RGS4: variants seen among roughly 807,000 people sequenced by gnomAD.
RGS4 encodes the protein schizophrenia disorder 9.
In RGS4, 15 loss-of-function variants were observed where a neutral mutation model predicts 21.6. The ratio of observed to expected loss-of-function variants is 0.69; its 90% CI spans 0.46 to 1.07. The LOEUF is 1.07. Among genes scored for constraint, RGS4 ranks in the 50% least tolerant of loss-of-function variants. The pLI, the probability that RGS4 is intolerant of heterozygous loss-of-function variation, is 0.00. For synonymous variants in RGS4, 94 were observed against 85.5 expected, an observed-to-expected ratio of 1.10 and a Z score of -0.55; for missense variants, 237 against 239.0, an observed-to-expected ratio of 0.99 and a Z score of 0.06.
intron 1 of RGS4, chr1:163,070,408 T>C (rs1457276869): frequency 6.6e-6 from 1 of 152,188 alleles, no homozygotes. Flanking sequence ...TACTACCTGC[T>C]TTCTTATCGC....
rs776573351 is a variant in RGS4 at position 163,075,173 on chromosome 1, G to C, written c.*613G>C. 1 of 161,928 alleles carries C rather than the reference G, an allele frequency of 6.2e-6. No homozygotes were observed. Among genetic ancestry groups the C allele is most frequent in the Non-Finnish European group, 1.4e-5 (1 of 73,524 alleles). The allele number at this position is 161,928 out of a possible 1,614,324, so 10.0% of individuals were successfully genotyped here. A position where few individuals can be genotyped will look rare whatever the true frequency, so the allele number is the denominator to read the frequency against. On this transcript the variant is annotated 3_prime_UTR_variant, in exon 5 of 5. Coordinates refer to ENST00000367909, the MANE Select transcript of RGS4 (RefSeq NM_005613.6). Reference sequence around the variant, plus strand: ...GAAAGACCCTAGGTGCTCATAACTAGAGTATGTGTATGTACTTACATGGGT... The same window carrying C: ...GAAAGACCCTAGGTGCTCATAACTACAGTATGTGTATGTACTTACATGGGT...
upstream of RGS4, chr1:163,069,268 G>C (rs1553204967): frequency 3.9e-6 from 6 of 1,550,906 alleles, no homozygotes; most frequent in Non-Finnish European, 5.2e-6. Context: ...GAGAGGCAGA[G>C]GGAGACAGAG....
chr1:163,074,612 A>G lies in RGS4; in HGVS notation c.*52A>G. ...ATGCCAAGACTCTATGCTCTGGAAA[A>G]CCTGAGGCCAAATATTGATCTGTAT... On this transcript the variant is annotated 3_prime_UTR_variant, in exon 5 of 5. Coordinates refer to ENST00000367909, the MANE Select transcript of RGS4 (RefSeq NM_005613.6). The G allele has an allele frequency of 3.1e-6, 5 of 1,613,048 alleles. No homozygotes were observed. Among genetic ancestry groups the G allele is most frequent in the Non-Finnish European group, 4.2e-6 (5 of 1,179,398 alleles).
At chr1:163,073,861 T>G in intron 4 of RGS4, 1 of 425,642 alleles carries the variant, frequency 2.3e-6, no homozygotes, top group Non-Finnish European at 4.1e-6. Flanking sequence ...CTAGAACCTA[T>G]TCCCTCTACC....
At chr1:163,072,599 T>C in intron 2 of RGS4, 100 bp downstream of exon 2, 1 of 970,158 alleles carries the variant, frequency 1.0e-6, no homozygotes, top group Non-Finnish European at 1.6e-6. Flanking sequence ...AAGCCAGATT[T>C]GGATCAAGAT....
In RGS4 at chr1:163,073,538, C is replaced by T; in HGVS notation, c.294C>T (p.Tyr98=). The change falls in exon 4 of 5, where the codon TAC becomes TAT. Residue 98 remains tyrosine, a synonymous_variant. Transcript: ENST00000367909. Reference sequence around the variant, plus strand: ...ACTTCTGGATCAGCTGTGAAGAGTACAAGAAAATCAAATCACCATCTAAAC... The same window carrying T: ...ACTTCTGGATCAGCTGTGAAGAGTATAAGAAAATCAAATCACCATCTAAAC... ...NIDFWISCEE[Y]KKIKSPSKLS... 6.2e-7 allele frequency: 1 copy of T among 1,611,666 alleles called. No individual in the cohort carries two copies. The highest frequency in any genetic ancestry group is 8.5e-7 in the Non-Finnish European group (1 of 1,178,896).
chr1:163,069,090 G>C, upstream of RGS4: 1 of 1,526,466 alleles, frequency 6.6e-7, no homozygotes, highest in South Asian at 1.3e-5. Flanking sequence ...ATATTTTGCA[G>C]CATTGTACAC....
intron 3 of RGS4, 114 bp from the exon 4 acceptor site, chr1:163,073,342 G>A: frequency 4.8e-6 from 4 of 839,192 alleles, no homozygotes; most frequent in Non-Finnish European, 7.2e-6. Context: ...AGGGGAAAAA[G>A]GGATTGCTTG....
At chr1:163,069,948 C>T (rs776149320) in intron 1 of RGS4, among the ~76,000 whole-genome samples, 1 of 152,016 alleles carries the variant, frequency 6.6e-6, no homozygotes, top group Non-Finnish European at 1.5e-5. Context: ...GGAAAGGTAC[C>T]CCAGAATGAG....
Position 163,071,924 on chromosome 1 carries a change from A to G in RGS4, c.45-471A>G, listed in dbSNP as rs566772078. 4 of 958,944 alleles carry G rather than the reference A, an allele frequency of 4.2e-6. No individual in the cohort carries two copies. The African/African-American group carries it at 6.1e-5, about 15-fold the overall frequency. The allele number at this position is 958,944 out of a possible 1,614,324, so 59.4% of individuals were successfully genotyped here. A position where few individuals can be genotyped will look rare whatever the true frequency, so the allele number is the denominator to read the frequency against. On this transcript the variant is annotated intron_variant, in intron 1 of 4. Coordinates refer to ENST00000367909, the MANE Select transcript of RGS4 (RefSeq NM_005613.6). ...ACTTTTACTTTCCCGAGGTGCTTCTACAGTTCCCTCTGCCAGCAGGGGAAC... is the reference window on the plus strand; with the variant it reads ...ACTTTTACTTTCCCGAGGTGCTTCTGCAGTTCCCTCTGCCAGCAGGGGAAC...
At position 163,074,805 on chromosome 1, in the gene RGS4, G is replaced by T. The variant is rs1655444213; in HGVS notation, c.*245G>T. ...AAGTTTCTTTGAGGGTTCCATGGGA[G>T]CAAATATCTAAATAATGGCCTGGTA... On this transcript the variant is annotated 3_prime_UTR_variant, in exon 5 of 5. Transcript: ENST00000367909. 3.2e-6 allele frequency: 2 copies of T among 623,852 alleles called. No individual in the cohort carries two copies. The highest frequency in any genetic ancestry group is 5.4e-5 in the Admixed American group (2 of 37,230). 38.6% of individuals were successfully genotyped at this position (623,852 alleles called of 1,614,324 possible).
At position 163,072,061 on chromosome 1, in the gene RGS4, A is replaced by T. The variant is rs1655334832; in HGVS notation, c.45-334A>T. On this transcript the variant is annotated intron_variant, in intron 1 of 4. Transcript: ENST00000367909. ...TTACTCAGAGATCACTCATGTGTTC[A>T]GTGATTCAGGTTCTGTTGAAGATAC... 4 of 1,024,092 alleles carry T rather than the reference A, an allele frequency of 3.9e-6. No individual in the cohort carries two copies. In the South Asian group the frequency reaches 1.7e-4, roughly 44 times the overall value. The allele number at this position is 1,024,092 out of a possible 1,614,324, so 63.4% of individuals were successfully genotyped here.
At chr1:163,072,905 A>T in intron 3 of RGS4, 39 bp downstream of exon 3, 1 of 1,549,652 alleles carries the variant, frequency 6.5e-7, no homozygotes, top group Non-Finnish European at 8.9e-7. Flanking sequence ...TACTCTGGAT[A>T]AGACAAGTTA....
upstream of RGS4, chr1:163,068,871 A>G: frequency 8.9e-7 from 1 of 1,118,128 alleles, no homozygotes; most frequent in Non-Finnish European, 1.3e-6. Context: ...TCCGCAAATC[A>G]CTGCGTGGAG....
intron 1 of RGS4, among the ~76,000 whole-genome samples, chr1:163,070,326 A>G (rs1655259949): frequency 6.6e-6 from 1 of 152,214 alleles, no homozygotes; most frequent in South Asian, 2.1e-4. Flanking sequence ...CCAGTTGAAA[A>G]TTAAACACAA....
rs774667103 is a variant in RGS4 at position 163,072,439 on chromosome 1, C to T, written c.89C>T (p.Ser30Phe). Residue 30 changes from serine to phenylalanine, a missense_variant, in exon 2 of 5, where the codon TCT becomes TTT. Coordinates refer to ENST00000367909, the MANE Select transcript of RGS4 (RefSeq NM_005613.6). The stretch of plus-strand genomic sequence containing the variant: ...CGGCTAGGTTTCCTGCTGCAAAAAT[C>T]TGATTCCTGTGAACACAATTCTTCC... ...KHRLGFLLQK[S>F]DSCEHNSSHN... The T allele has an allele frequency of 6.2e-7, 1 of 1,613,286 alleles. No homozygotes were observed. Among genetic ancestry groups the T allele is most frequent in the Admixed American group, 1.7e-5 (1 of 59,922 alleles).
rs546680370 is a variant in RGS4, at chr1:163,074,442, G to A, written c.500G>A (p.Arg167His). ...CTGATGGAGAAGGATTCCTACCGCC[G>A]CTTCCTCAAGTCTCGATTCTATCTT... Reference protein sequence around the residue: ...FNLMEKDSYRRFLKSRFYLDL... With the variant: ...FNLMEKDSYRHFLKSRFYLDL... Residue 167 changes from arginine (R) to histidine (H), a missense_variant, in exon 5 of 5, where the codon CGC becomes CAC. Arg to His is a conservative substitution (Grantham distance 29). Transcript: ENST00000367909. 6 of 1,613,846 alleles carry A rather than the reference G, an allele frequency of 3.7e-6. No individual in the cohort carries two copies. The highest frequency in any genetic ancestry group is 4.5e-5 in the East Asian group (2 of 44,868).
chr1:163,069,484 G>C lies in RGS4; in HGVS notation c.-1G>C. The C allele has an allele frequency of 6.2e-7, 1 of 1,613,566 alleles. No homozygotes were observed. The highest frequency in any genetic ancestry group is 8.5e-7 in the Non-Finnish European group (1 of 1,179,746). ...TTGCGAATTCCAAGCTGTTAAATAA[G>C]ATGTGCAAAGGGCTTGCAGGTCTGC... On this transcript the variant is annotated 5_prime_UTR_variant, in exon 1 of 5. Transcript: ENST00000367909.
In RGS4 at chr1:163,074,291, T is replaced by C. The variant is rs745436300; in HGVS notation, c.379-30T>C. The C allele has an allele frequency of 1.4e-5, 22 of 1,612,440 alleles. No homozygotes were observed. In the African/African-American group the frequency reaches 2.7e-4, roughly 20 times the overall value. ...CTTGCATCCTCAACAGGGATATAGG[T>C]CTAATGAAGCCTTGGCCTTTGCCCC... On this transcript the variant is annotated intron_variant, in intron 4 of 4. Coordinates refer to ENST00000367909, the MANE Select transcript of RGS4 (RefSeq NM_005613.6).
Sources: gnomAD v4.1 joint callset for allele counts (sites outside exome capture counted in the v4.1 genomes callset) on GRCh38, gnomAD v4.1.1 for gene constraint, MANE v1.5 for transcripts, NCBI Gene and HGNC (gene_info 2026-07-23, HGNC 2026-07-21) for gene names.